CAPZB: variants seen among roughly 807,000 people sequenced by gnomAD.
CAPZB encodes F-actin-capping protein subunit beta.
A neutral mutation model predicts 38.1 loss-of-function variants in CAPZB; 2 were observed. The observed-to-expected ratio is 0.05, with a 90% CI of 0.02 to 0.17. CAPZB has a LOEUF of 0.17. Among genes scored for constraint, CAPZB ranks in the 10% least tolerant of loss-of-function variants. CAPZB has a pLI of 1.00. For synonymous variants in CAPZB, 107 were observed against 127.4 expected (o/e 0.84, Z 1.08); for missense variants, 161 against 334.2 (o/e 0.48, Z 4.04).
At chr1:19,394,069 C>T (rs887224981) in intron 2 of CAPZB, among the ~76,000 whole-genome samples, 5 of 152,240 alleles carry the variant, frequency 3.3e-5, no homozygotes, top group Admixed American at 1.3e-4. Context: ...GGCGCGATCT[C>T]GGCTCACTGC....
At chr1:19,416,890 T>TAAAAAAAA (rs2094382319) in intron 2 of CAPZB, among the ~76,000 whole-genome samples, 3 of 74,932 alleles carry the variant, frequency 4.0e-5, no homozygotes, top group Non-Finnish European at 5.5e-5. Flanking sequence ...AAAAAAAAAG[T>TAAAAAAAA]ATGCTCTGAC....
At chr1:19,359,033 C>A (rs565024378) in intron 4 of CAPZB, among the ~76,000 whole-genome samples, 2 of 152,150 alleles carry the variant, frequency 1.3e-5, no homozygotes, top group Non-Finnish European at 2.9e-5. Flanking sequence ...CTACTTTCTA[C>A]GGCTGTTGAG....
At chr1:19,440,827 G>A (rs964303607) in intron 1 of CAPZB, among the ~76,000 whole-genome samples, 2 of 152,190 alleles carry the variant, frequency 1.3e-5, no homozygotes, top group African/African-American at 2.4e-5. Flanking sequence ...TTGGGAGGCC[G>A]AGGAGGGCAG....
intron 2 of CAPZB, among the ~76,000 whole-genome samples, chr1:19,386,141 C>G (rs2094202793): frequency 6.6e-6 from 1 of 152,238 alleles, no homozygotes; most frequent in Admixed American, 6.5e-5. Context: ...TCAACTCTAT[C>G]TGCTGCAAAG....
chr1:19,396,205 G>A (rs1416703537), intron 2 of CAPZB, among the ~76,000 whole-genome samples: 2 of 152,176 alleles, frequency 1.3e-5, no homozygotes, highest in African/African-American at 2.4e-5. Flanking sequence ...CTGTCTGGAC[G>A]GCCTCATGCC....
chr1:19,366,167 T>TCAGG (rs947102343), intron 4 of CAPZB, among the ~76,000 whole-genome samples: 2 of 151,020 alleles, frequency 1.3e-5, no homozygotes, highest in African/African-American at 4.9e-5. Context: ...TGGTCTTAGG[T>TCAGG]CAGGCATGGT....
intron 1 of CAPZB, 130 bp from the exon 2 acceptor site, chr1:19,419,880 TCTCTGTGTGCCAGCAGC>T: frequency 3.2e-6 from 2 of 615,684 alleles, no homozygotes; most frequent in Non-Finnish European, 2.9e-6. Context: ...CTCCGCCAGG[TCTCTGTGTGCCAGCAGC>T]CTGGAGCGGG....
chr1:19,467,058 T>TTTTATTTATTTA lies in CAPZB; in HGVS notation c.3+18366_3+18377dup, dbSNP rs34677425. ...CTCCAGATGCACCATCACACCCAGC[T>TTTTATTTATTTA]TTTATTTATTTATTTATTTATTTTG... On this transcript the variant is annotated intron_variant, in intron 1 of 8. Transcript: ENST00000264202. Among the ~76,000 whole-genome samples the TTTTATTTATTTA allele has an allele frequency of 1.3e-5, 2 of 150,694 alleles. 1 individual carries two copies. Among genetic ancestry groups the TTTTATTTATTTA allele is most frequent in the Non-Finnish European group, 3.0e-5 (2 of 67,654 alleles).
chr1:19,426,210 T>C (rs923760308), intron 1 of CAPZB, among the ~76,000 whole-genome samples: 10 of 152,184 alleles, frequency 6.6e-5, no homozygotes, highest in African/African-American at 2.4e-4. Context: ...TCCCCGCAGT[T>C]TTTTGCTCCT....
chr1:19,403,554 G>T (rs973395740), intron 2 of CAPZB, among the ~76,000 whole-genome samples: 2 of 152,228 alleles, frequency 1.3e-5, no homozygotes, highest in Admixed American at 1.3e-4. Context: ...CCACCTAGAT[G>T]TGTTCTCCGG....
chr1:19,457,673 T>C (rs1250268578), intron 1 of CAPZB, among the ~76,000 whole-genome samples: 1 of 152,156 alleles, frequency 6.6e-6, no homozygotes, highest in Non-Finnish European at 1.5e-5. Flanking sequence ...AAAGAAGCAA[T>C]AACCTGATGC....
intron 4 of CAPZB, among the ~76,000 whole-genome samples, chr1:19,372,259 G>A (rs1168643800): frequency 6.6e-6 from 1 of 152,180 alleles, no homozygotes; most frequent in Non-Finnish European, 1.5e-5. Context: ...AACTTATAAG[G>A]CCAATAAATT....
chr1:19,401,051 C>T (rs1431110394), intron 2 of CAPZB, among the ~76,000 whole-genome samples: 1 of 152,140 alleles, frequency 6.6e-6, no homozygotes, highest in East Asian at 1.9e-4. Flanking sequence ...GCTCAAGTGG[C>T]AGCTAACAGC....
rs188705096 is a variant in CAPZB, at chr1:19,351,254, T to C, written c.588+5381A>G. On this transcript the variant is annotated intron_variant, in intron 6 of 8. Transcript: ENST00000264202. ...CCTTGGCCTCCCAAAGTGCTGGGAT[T>C]ACAGGCATGAGCCACTGCACCCGAT... is the stretch of plus-strand genomic sequence containing the variant. 2.9e-3 allele frequency among the ~76,000 whole-genome samples: 441 copies of C among 152,256 alleles called. 2 individuals carry two copies. The Middle Eastern group carries it at 0.034, about 12-fold the overall frequency.
chr1:19,342,754 G>C (rs757202188), intron 8 of CAPZB: 1 of 1,601,572 alleles, frequency 6.2e-7, no homozygotes. Context: ...CAGGGTACCT[G>C]GATCGGCTTA....
At position 19,353,117 on chromosome 1, in the gene CAPZB, G is replaced by A. The variant is rs2268804; in HGVS notation, c.588+3518C>T. 9.0e-3 allele frequency among the ~76,000 whole-genome samples: 1,374 copies of A among 152,342 alleles called. 45 individuals carry two copies. In the East Asian group the frequency reaches 0.12, roughly 14 times the overall value. On this transcript the variant is annotated intron_variant, in intron 6 of 8. Coordinates refer to ENST00000264202, the MANE Select transcript of CAPZB (RefSeq NM_004930.5). ...GGGCAGCTGCCGCTGCTGCCGGGGT[G>A]AGGCAGGCTGGGCCACAGGACCCTG...
At chr1:19,370,973 G>A (rs1270308656) in intron 4 of CAPZB, among the ~76,000 whole-genome samples, 2 of 152,174 alleles carry the variant, frequency 1.3e-5, no homozygotes, top group African/African-American at 2.4e-5. Context: ...ATGAGGGAGG[G>A]ACTGGGCCTG....
At chr1:19,376,705 T>C (rs1291697607) in intron 4 of CAPZB, among the ~76,000 whole-genome samples, 1 of 152,226 alleles carries the variant, frequency 6.6e-6, no homozygotes, top group Non-Finnish European at 1.5e-5. Flanking sequence ...ACTGGTCCAC[T>C]GTTTGTTTTT....
At chr1:19,354,479 C>T (rs1019589818) in intron 6 of CAPZB, among the ~76,000 whole-genome samples, 1 of 152,226 alleles carries the variant, frequency 6.6e-6, no homozygotes, top group African/African-American at 2.4e-5. Flanking sequence ...AGCTTTAATG[C>T]ACCTCAAATG....
Sources: allele counts gnomAD v4.1 joint callset (sites outside exome capture counted in the v4.1 genomes callset), GRCh38; gene constraint gnomAD v4.1.1; transcripts MANE v1.5; gene names NCBI Gene and HGNC (gene_info 2026-07-23, HGNC 2026-07-21).